Variants in NTHL1 observed in about 807,000 individuals in gnomAD.
NTHL1 encodes nth like DNA glycosylase 1, also known as endonuclease III-like protein 1.
A neutral mutation model predicts 32.3 loss-of-function variants in NTHL1; 32 were observed. The observed-to-expected ratio is 0.99, with a 90% confidence interval of 0.75 to 1.33. The LOEUF is 1.33. NTHL1 is among the 40% of genes most tolerant of loss of function. The pLI is 0.00. For missense variants in NTHL1, 501 were observed against 414.1 expected (o/e 1.21, Z -1.82); for synonymous variants, 188 against 176.9 (o/e 1.06, Z -0.50).
At position 2,044,798 on chromosome 16, in the gene NTHL1, T is replaced by C. The variant is rs776325627; in HGVS notation, c.357A>G (p.Val119=). 1 of 1,602,952 alleles carries C rather than the reference T, an allele frequency of 6.2e-7. No individual in the cohort carries two copies. Among genetic ancestry groups the C allele is most frequent in the Non-Finnish European group, 8.5e-7 (1 of 1,174,442 alleles). Residue 119 remains valine (V), a splice_region_variant and synonymous_variant, in exon 3 of 6, where the codon GTA becomes GTG. Coordinates refer to ENST00000651570, the MANE Select transcript of NTHL1 (RefSeq NM_002528.7). This position sits in a 1 kb window ranked among gnomAD's most constrained non-coding sequence, Gnocchi z 5.0. ...HCYDSSAPPK[V]RRYQVLLSLM... ...GTGACAGCAGCACCTGGTACCTGCG[T>C]ACCTGCTTGTGCAGTGACAGGGACC...
At chr16:2,047,516 C>T in intron 1 of NTHL1, 193 bp downstream of exon 1, 1 of 966,496 alleles carries the variant, frequency 1.0e-6, no homozygotes. Context: ...GCCCGAAACC[C>T]AGCCCCTGCG....
intron 4 of NTHL1, 118 bp from the exon 5 acceptor site, chr16:2,040,356 C>G: frequency 1.1e-6 from 1 of 915,420 alleles, no homozygotes; most frequent in Non-Finnish European, 1.8e-6. Context: ...GACATTGGAA[C>G]CGCAAAGCCC....
intron 4 of NTHL1, among the ~76,000 whole-genome samples, chr16:2,042,356 T>A (rs951811303): frequency 6.6e-6 from 1 of 152,142 alleles, no homozygotes; most frequent in African/African-American, 2.4e-5. Flanking sequence ...GGAGTCTCAG[T>A]CGGGAGGAGG....
intron 4 of NTHL1, among the ~76,000 whole-genome samples, chr16:2,041,423 C>T (rs2084267142): frequency 6.6e-6 from 1 of 152,136 alleles, no homozygotes; most frequent in African/African-American, 2.4e-5. Context: ...GGACCGGAGC[C>T]AGCAATCTAT....
chr16:2,044,930 T>G lies in NTHL1; in HGVS notation c.355-130A>C, dbSNP rs1047427072. 30 of 1,066,656 alleles carry G rather than the reference T, an allele frequency of 2.8e-5. No homozygotes were observed. The East Asian group carries it at 7.6e-4, about 27-fold the overall frequency. 66.1% of individuals were successfully genotyped at this position (1,066,656 alleles called of 1,614,324 possible). ...CACACTTGAGGCATCAGCCTCCCCCTGTGGGGTGGGGAGGTCTGGTTTGGG... is the reference window on the plus strand; with the variant it reads ...CACACTTGAGGCATCAGCCTCCCCCGGTGGGGTGGGGAGGTCTGGTTTGGG... On this transcript the variant is annotated intron_variant, in intron 2 of 5. Transcript: ENST00000651570. The surrounding 1 kb of genome is among the most constrained non-coding windows in gnomAD (Gnocchi z 5.0).
At chr16:2,045,111 CG>C (rs1361856283) in intron 2 of NTHL1, among the ~76,000 whole-genome samples, 1 of 152,098 alleles carries the variant, frequency 6.6e-6, no homozygotes, top group East Asian at 1.9e-4. Flanking sequence ...CCAAGGCAGG[CG>C]GATCACCTGA....
intron 4 of NTHL1, 88 bp from the exon 5 acceptor site, chr16:2,040,326 C>T (rs2084247083): frequency 1.7e-6 from 2 of 1,169,550 alleles, no homozygotes; most frequent in Admixed American, 3.4e-5. Context: ...TCTGCCACCA[C>T]CCCCGTGGCC....
At chr16:2,045,229 C>A (rs1391565548) in intron 2 of NTHL1, among the ~76,000 whole-genome samples, 1 of 151,832 alleles carries the variant, frequency 6.6e-6, no homozygotes, top group African/African-American at 2.4e-5. Flanking sequence ...CCCAGCTACT[C>A]GGGAGGCCGA....
Position 2,039,835 on chromosome 16 carries a change from G to T in NTHL1, c.*89C>A. 6.4e-7 allele frequency: 1 copy of T among 1,572,152 alleles called. No homozygotes were observed. Among genetic ancestry groups the T allele is most frequent in the Non-Finnish European group, 8.6e-7 (1 of 1,158,996 alleles). ...AGATCCCATCTGCAAACACACCAAA[G>T]CTTTATTCAACAGGCGTGGCTTCCT... is the stretch of plus-strand genomic sequence containing the variant. On this transcript the variant is annotated 3_prime_UTR_variant, in exon 6 of 6. Transcript: ENST00000651570.
chr16:2,043,686 T>G lies in NTHL1; in HGVS notation c.566A>C (p.Gln189Pro). Residue 189 changes from glutamine to proline, a missense_variant, in exon 4 of 6, where the codon CAG becomes CCG. By Grantham distance (76) the Gln-to-Pro change is moderately conservative (BLOSUM62 -1). Coordinates refer to ENST00000651570, the MANE Select transcript of NTHL1 (RefSeq NM_002528.7). The surrounding 1 kb of genome is among the most constrained non-coding windows in gnomAD (Gnocchi z 4.4). Reference protein sequence around the residue: ...KYIKQTSAILQQHYGGDIPAS... With the variant: ...KYIKQTSAILPQHYGGDIPAS... ...TGGGATGTCCCCACCGTAGTGCTGCTGCAGGATGGCGCTGGTCTGCTTGAT... is the reference window on the plus strand; with the variant it reads ...TGGGATGTCCCCACCGTAGTGCTGCGGCAGGATGGCGCTGGTCTGCTTGAT... 2 of 1,612,250 alleles carry G rather than the reference T, an allele frequency of 1.2e-6. No individual in the cohort carries two copies. Among genetic ancestry groups the G allele is most frequent in the Non-Finnish European group, 1.7e-6 (2 of 1,179,982 alleles).
At position 2,043,675 on chromosome 16, in the gene NTHL1, C is replaced by T. The variant is rs200007034; in HGVS notation, c.577G>A (p.Gly193Ser). 55 of 1,612,182 alleles carry T rather than the reference C, an allele frequency of 3.4e-5. No individual in the cohort carries two copies. In the Middle Eastern group the frequency reaches 8.2e-4, roughly 24 times the overall value. ...QTSAILQQHY[G>S]GDIPASVAEL... ...GCCACAGAGGCTGGGATGTCCCCAC[C>T]GTAGTGCTGCTGCAGGATGGCGCTG... is the stretch of plus-strand genomic sequence containing the variant. Residue 193 changes from glycine to serine, a missense_variant, in exon 4 of 6, where the codon GGT becomes AGT. Gly to Ser is a moderately conservative substitution (Grantham distance 56). Transcript: ENST00000651570. The surrounding 1 kb of genome is among the most constrained non-coding windows in gnomAD (Gnocchi z 4.4).
chr16:2,046,409 G>A (rs2084392860), intron 1 of NTHL1, 43 bp from the exon 2 acceptor site: 2 of 1,572,920 alleles, frequency 1.3e-6, no homozygotes, highest in African/African-American at 1.3e-5. Context: ...GGCCACAGGT[G>A]AAGGTAGGGT....
Position 2,043,294 on chromosome 16 carries a change from C to T in NTHL1, c.685+273G>A, listed in dbSNP as rs942363725. ...CACTCCACGAGTGGGGAATTCCTCG[C>T]TCCACATTTCTCCCGAATACAACGC... On this transcript the variant is annotated intron_variant, in intron 4 of 5. Transcript: ENST00000651570. This position sits in a 1 kb window ranked among gnomAD's most constrained non-coding sequence, Gnocchi z 4.4. 2.0e-5 allele frequency among the ~76,000 whole-genome samples: 3 copies of T among 152,090 alleles called. No homozygotes were observed. Among genetic ancestry groups the T allele is most frequent in the Non-Finnish European group, 2.9e-5 (2 of 68,020 alleles).
Position 2,044,828 on chromosome 16 carries a change from TG to T in NTHL1, c.355-29del, listed in dbSNP as rs2084321020. On this transcript the variant is annotated intron_variant, in intron 2 of 5. Coordinates refer to ENST00000651570, the MANE Select transcript of NTHL1 (RefSeq NM_002528.7). This position sits in a 1 kb window ranked among gnomAD's most constrained non-coding sequence, Gnocchi z 5.0. ...GCTTGTGCAGTGACAGGGACCGGGG[TG>T]GCGGCGGGTCCTGGGTGATTCCCTG... is the stretch of plus-strand genomic sequence containing the variant. 6.4e-7 allele frequency: 1 copy of T among 1,560,982 alleles called. No individual in the cohort carries two copies. The highest frequency in any genetic ancestry group is 1.4e-5 in the African/African-American group (1 of 73,880).
rs2084296910 is a variant in NTHL1, at chr16:2,043,500, C to G, written c.685+67G>C. 1 of 1,589,680 alleles carries G rather than the reference C, an allele frequency of 6.3e-7. No individual in the cohort carries two copies. The highest frequency in any genetic ancestry group is 8.5e-7 in the Non-Finnish European group (1 of 1,173,790). On this transcript the variant is annotated intron_variant, in intron 4 of 5. Transcript: ENST00000651570. This position sits in a 1 kb window ranked among gnomAD's most constrained non-coding sequence, Gnocchi z 4.4. ...GCATGCTGGAAGTGGAGTCACAGGTCACAAGGATGTGGGGAATCCCAAGAG... is the reference window on the plus strand; with the variant it reads ...GCATGCTGGAAGTGGAGTCACAGGTGACAAGGATGTGGGGAATCCCAAGAG...
intron 4 of NTHL1, chr16:2,041,952 C>A (rs3211983): frequency 2.5e-4 from 110 of 440,560 alleles, no homozygotes; most frequent in African/African-American, 1.9e-3. Flanking sequence ...CGGGTTTCAC[C>A]ACGTTGGCCA....
chr16:2,046,398 G>A (rs1307244371), intron 1 of NTHL1, 32 bp from the exon 2 acceptor site: 1 of 1,588,556 alleles, frequency 6.3e-7, no homozygotes, highest in South Asian at 1.1e-5. Flanking sequence ...CCCTCTGGTG[G>A]GGCCACAGGT....
chr16:2,046,608 A>G (rs2084408134), intron 1 of NTHL1, among the ~76,000 whole-genome samples: 1 of 152,128 alleles, frequency 6.6e-6, no homozygotes. Context: ...AGGTGCCCCC[A>G]ATACATCTTC....
chr16:2,041,892 G>C (rs2084272684), intron 4 of NTHL1: 1 of 374,252 alleles, frequency 2.7e-6, no homozygotes, highest in Non-Finnish European at 5.3e-6. Context: ...ACAGGCGTGA[G>C]CCACCACGCC....
Sources: gnomAD v4.1 joint callset for allele counts (sites outside exome capture counted in the v4.1 genomes callset) on GRCh38, gnomAD v4.1.1 for gene constraint, Gnocchi (gnomAD v3.1) non-coding constraint, MANE v1.5 for transcripts, NCBI Gene and HGNC (gene_info 2026-07-23, HGNC 2026-07-21) for gene names.